The following LMBRD1 variants were observed in gnomAD, a reference collection of about 807,000 sequenced individuals.
LMBRD1 encodes LMBR1 domain containing 1.
A neutral mutation model predicts 74.8 loss-of-function variants in LMBRD1; 64 were observed. The observed-to-expected ratio is 0.86, with a 90% confidence interval of 0.70 to 1.05. The LOEUF (loss-of-function observed/expected upper bound fraction) is 1.05, where lower values mean the gene tolerates loss of function less well. LMBRD1 is among the 50% of genes least tolerant of loss of function. The pLI, the probability that LMBRD1 is intolerant of heterozygous loss-of-function variation, is 0.00. For missense variants in LMBRD1, 652 were observed against 645.9 expected, an observed-to-expected ratio of 1.01 and a Z score of -0.10; for synonymous variants, 204 against 216.3, an observed-to-expected ratio of 0.94 and a Z score of 0.50.
chr6:69,681,763 G>T (rs1280568358), intron 14 of LMBRD1, among the ~76,000 whole-genome samples: 1 of 151,904 alleles, frequency 6.6e-6, no homozygotes, highest in African/African-American at 2.4e-5. Context: ...GGCTGCCCAT[G>T]ACTGTGCCAA....
At chr6:69,714,797 T>C (rs1428631361) in intron 8 of LMBRD1, among the ~76,000 whole-genome samples, 2 of 152,078 alleles carry the variant, frequency 1.3e-5, no homozygotes, top group Non-Finnish European at 2.9e-5. Flanking sequence ...TCTTTACATA[T>C]CGGCATCACT....
At chr6:69,713,095 T>C (rs1766417470) in intron 9 of LMBRD1, among the ~76,000 whole-genome samples, 1 of 152,110 alleles carries the variant, frequency 6.6e-6, no homozygotes, top group East Asian at 1.9e-4. Context: ...TGTACACCAA[T>C]AGAAAAGAAT....
At chr6:69,743,894 C>A (rs539294158) in intron 5 of LMBRD1, among the ~76,000 whole-genome samples, 1 of 152,260 alleles carries the variant, frequency 6.6e-6, no homozygotes, top group South Asian at 2.1e-4. Flanking sequence ...GGTATAAAAG[C>A]ATGTCAACCT....
At chr6:69,795,978 GA>G (rs1766216708) in intron 1 of LMBRD1, among the ~76,000 whole-genome samples, 1 of 152,206 alleles carries the variant, frequency 6.6e-6, no homozygotes, top group African/African-American at 2.4e-5. Flanking sequence ...CGGACGATGA[GA>G]AAAGAGAAGA....
At chr6:69,772,813 G>A (rs1204011061) in intron 3 of LMBRD1, among the ~76,000 whole-genome samples, 2 of 152,092 alleles carry the variant, frequency 1.3e-5, no homozygotes, top group African/African-American at 2.4e-5. Flanking sequence ...ATAGTGTCAA[G>A]AAAATTGAAA....
intron 3 of LMBRD1, among the ~76,000 whole-genome samples, chr6:69,775,437 C>T (rs1291202371): frequency 7.9e-5 from 12 of 152,206 alleles, no homozygotes; most frequent in Admixed American, 7.8e-4. Flanking sequence ...GTATTCACAA[C>T]ATCAAAACTG....
intron 7 of LMBRD1, among the ~76,000 whole-genome samples, chr6:69,721,720 T>C (rs1238907834): frequency 6.6e-6 from 1 of 152,156 alleles, no homozygotes; most frequent in East Asian, 1.9e-4. Flanking sequence ...AGGTACCAGC[T>C]CAGCCACAGT....
chr6:69,747,143 G>A (rs1767253559), intron 5 of LMBRD1, among the ~76,000 whole-genome samples: 1 of 152,086 alleles, frequency 6.6e-6, no homozygotes, highest in Non-Finnish European at 1.5e-5. Context: ...TTTAGCAAGG[G>A]AATTAGTGTT....
intron 2 of LMBRD1, among the ~76,000 whole-genome samples, chr6:69,789,064 C>T (rs780290853): frequency 3.1e-4 from 47 of 152,284 alleles, no homozygotes; most frequent in Middle Eastern, 3.4e-3. Context: ...ATGTTATTTA[C>T]TATCTTTATA....
chr6:69,676,378 TAA>T (rs1051426136), intron 15 of LMBRD1, 70 bp downstream of exon 15: 15 of 1,574,884 alleles, frequency 9.5e-6, no homozygotes, highest in African/African-American at 4.1e-5. Context: ...CCTAGTAAGA[TAA>T]AAAGAGTTTA....
chr6:69,751,383 GT>G (rs1765145428), intron 4 of LMBRD1, among the ~76,000 whole-genome samples: 1 of 151,948 alleles, frequency 6.6e-6, no homozygotes, highest in South Asian at 2.1e-4. Context: ...CTGGAGCGCA[GT>G]GGAGTGATCT....
intron 3 of LMBRD1, among the ~76,000 whole-genome samples, chr6:69,764,928 CTTTTTTTTT>C (rs149970766): frequency 7.0e-6 from 1 of 143,030 alleles, no homozygotes; most frequent in African/African-American, 2.6e-5. Context: ...AATTTCTTTT[CTTTTTTTTT>C]TTTTTAATTT....
chr6:69,676,325 A>G, intron 15 of LMBRD1, 54 bp from the exon 16 acceptor site: 1 of 1,592,052 alleles, frequency 6.3e-7, no homozygotes. Flanking sequence ...TCATCTGGAA[A>G]GTAATGCTTT....
intron 6 of LMBRD1, among the ~76,000 whole-genome samples, chr6:69,739,913 C>G (rs1767062615): frequency 6.6e-6 from 1 of 152,160 alleles, no homozygotes; most frequent in Admixed American, 6.5e-5. Context: ...CGAGACCAGC[C>G]TGGCCAATAT....
intron 2 of LMBRD1, among the ~76,000 whole-genome samples, chr6:69,789,716 A>T (rs1370308701): frequency 6.6e-6 from 1 of 152,214 alleles, no homozygotes; most frequent in Non-Finnish European, 1.5e-5. Context: ...TTCCTGAGTC[A>T]CAGAAGCTTA....
intron 7 of LMBRD1, among the ~76,000 whole-genome samples, chr6:69,737,148 A>AATGTTTCCTTTGTAACCAGAATTTTCAT (rs2149868468): frequency 6.6e-6 from 1 of 152,080 alleles, no homozygotes; most frequent in East Asian, 1.9e-4. Flanking sequence ...AATACCCAAA[A>AATGTTTCCTTTGTAACCAGAATTTTCAT]ATGTTTCCTT....
chr6:69,695,189 C>A (rs9364049), intron 14 of LMBRD1, among the ~76,000 whole-genome samples: 54,576 of 151,544 alleles, frequency 0.36, 10,384 homozygotes, highest in East Asian at 0.54. Context: ...TGACATTTTT[C>A]TTCAATCTTT....
At chr6:69,757,643 T>A (rs1181080661) in intron 3 of LMBRD1, among the ~76,000 whole-genome samples, 1 of 152,192 alleles carries the variant, frequency 6.6e-6, no homozygotes, top group African/African-American at 2.4e-5. Context: ...TGAGTTTATA[T>A]ATCTGTAAAT....
At chr6:69,720,392 T>C (rs1011435716) in intron 7 of LMBRD1, among the ~76,000 whole-genome samples, 2 of 152,196 alleles carry the variant, frequency 1.3e-5, no homozygotes, top group African/African-American at 4.8e-5. Context: ...AGTATTCTCA[T>C]TATTTCCCTT....
Sources: allele counts gnomAD v4.1 joint callset (sites outside exome capture counted in the v4.1 genomes callset), GRCh38; gene constraint gnomAD v4.1.1; transcripts MANE v1.5; gene names NCBI Gene and HGNC (gene_info 2026-07-23, HGNC 2026-07-21).